Variants in HABP2 observed in about 807,000 individuals in gnomAD.
HABP2 encodes hyaluronan binding protein 2.
HABP2 carries 65 observed loss-of-function variants against 66.5 expected under a neutral mutation model. The observed-to-expected ratio is 0.98, with a 90% CI of 0.80 to 1.20. The LOEUF (loss-of-function observed/expected upper bound fraction) is 1.20, where lower values mean the gene tolerates loss of function less well. HABP2 is among the 50% of genes most tolerant of loss of function. HABP2 has a pLI of 0.00. For missense variants in HABP2, 786 were observed against 691.0 expected (o/e 1.14, Z -1.54); for synonymous variants, 263 against 253.9 (o/e 1.04, Z -0.34).
rs557301632 is a variant in HABP2, at chr10:113,589,337, C to G, written c.*968C>G. 5.3e-6 allele frequency: 3 copies of G among 566,928 alleles called. No homozygotes were observed. Among genetic ancestry groups the G allele is most frequent in the Non-Finnish European group, 9.4e-6 (3 of 320,834 alleles). The allele number at this position is 566,928 out of a possible 1,614,324, so 35.1% of individuals were successfully genotyped here. On this transcript the variant is annotated 3_prime_UTR_variant, in exon 13 of 13. Coordinates refer to ENST00000351270, the MANE Select transcript of HABP2 (RefSeq NM_004132.5). ...TCAAAATGCAGACTGTCATATCCAGCGAGTCCCTGACCCTTTCTGCGAATG... is the reference window on the plus strand; with the variant it reads ...TCAAAATGCAGACTGTCATATCCAGGGAGTCCCTGACCCTTTCTGCGAATG...
chr10:113,587,030 G>A (rs189030731), intron 12 of HABP2, among the ~76,000 whole-genome samples: 22 of 152,298 alleles, frequency 1.4e-4, no homozygotes, highest in Admixed American at 1.1e-3. Context: ...GCTCATTCAG[G>A]CTGGGCATGC....
At chr10:113,555,051 G>T (rs1844967542) in intron 1 of HABP2, among the ~76,000 whole-genome samples, 1 of 152,178 alleles carries the variant, frequency 6.6e-6, no homozygotes, top group Non-Finnish European at 1.5e-5. Context: ...CGTCATGGGG[G>T]TAAAGAAGCC....
intron 1 of HABP2, among the ~76,000 whole-genome samples, chr10:113,557,662 G>A (rs573041664): frequency 2.0e-5 from 3 of 152,336 alleles, no homozygotes; most frequent in South Asian, 4.1e-4. Flanking sequence ...TTGATGCTGA[G>A]TAAGTTCTCC....
In HABP2 at chr10:113,589,378, C is replaced by G. The variant is rs937410060; in HGVS notation, c.*1009C>G. On this transcript the variant is annotated 3_prime_UTR_variant, in exon 13 of 13. Coordinates refer to ENST00000351270, the MANE Select transcript of HABP2 (RefSeq NM_004132.5). ...TCTGCGAATGTAACGAGCAAGCAGTCAGCACAGCCTGGGCTGCCCTGGCCC... is the reference window on the plus strand; with the variant it reads ...TCTGCGAATGTAACGAGCAAGCAGTGAGCACAGCCTGGGCTGCCCTGGCCC... The G allele has an allele frequency of 5.3e-6, 3 of 570,708 alleles. No homozygotes were observed. The highest frequency in any genetic ancestry group is 5.8e-5 in the East Asian group (2 of 34,656). 35.4% of individuals were successfully genotyped at this position (570,708 alleles called of 1,614,324 possible). A position where few individuals can be genotyped will look rare whatever the true frequency, so the allele number is the denominator to read the frequency against.
chr10:113,562,738 C>T (rs1025057084), intron 1 of HABP2, among the ~76,000 whole-genome samples: 3 of 152,246 alleles, frequency 2.0e-5, no homozygotes, highest in Non-Finnish European at 1.5e-5. Flanking sequence ...AGCCACTGCG[C>T]CCGGCCCACA....
intron 10 of HABP2, among the ~76,000 whole-genome samples, chr10:113,583,585 T>C (rs1845581699): frequency 1.3e-5 from 2 of 152,192 alleles, no homozygotes; most frequent in African/African-American, 4.8e-5. Flanking sequence ...GCTAGGAACA[T>C]TGTGCTATGG....
intron 3 of HABP2, among the ~76,000 whole-genome samples, chr10:113,575,513 A>T (rs1845392254): frequency 6.6e-6 from 1 of 152,022 alleles, no homozygotes; most frequent in Non-Finnish European, 1.5e-5. Context: ...GAAGTAGGGG[A>T]GGTCTTCAGG....
At position 113,587,546 on chromosome 10, in the gene HABP2, A is replaced by G. The variant is rs563219855; in HGVS notation, c.1519-659A>G. Among the ~76,000 whole-genome samples, 5 of 152,284 alleles carry G rather than the reference A, an allele frequency of 3.3e-5. No individual in the cohort carries two copies. The East Asian group carries it at 9.6e-4, about 29-fold the overall frequency. ...AAGGTCGTGGCTAAGTTTAAAATAGAGAATTCATTTTTTAAAAACCTGTCA... is the reference window on the plus strand; with the variant it reads ...AAGGTCGTGGCTAAGTTTAAAATAGGGAATTCATTTTTTAAAAACCTGTCA... On this transcript the variant is annotated intron_variant, in intron 12 of 12. Transcript: ENST00000351270.
chr10:113,578,869 A>G (rs1007661959), intron 7 of HABP2, 71 bp downstream of exon 7: 1 of 1,023,398 alleles, frequency 9.8e-7, no homozygotes, highest in African/African-American at 1.6e-5. Context: ...GAAATTCATC[A>G]GCCTCCTTTC....
chr10:113,560,135 C>T (rs1209414092), intron 1 of HABP2, among the ~76,000 whole-genome samples: 1 of 152,234 alleles, frequency 6.6e-6, no homozygotes, highest in African/African-American at 2.4e-5. Context: ...AGCACCTTCA[C>T]CTTTGGCTTC....
chr10:113,553,845 C>T (rs947779058), intron 1 of HABP2, among the ~76,000 whole-genome samples: 6 of 152,212 alleles, frequency 3.9e-5, no homozygotes, highest in South Asian at 2.1e-4. Context: ...CAGGACCTTC[C>T]GGAGCAGATG....
rs534257675 is a variant in HABP2, at chr10:113,569,206, A to G, written c.106+1681A>G. Reference sequence around the variant, plus strand: ...AAACCTCTTATAGGGAGTGAAGAGTATTTAATTTAACCCTCAAGAAACTAC... The same window carrying G: ...AAACCTCTTATAGGGAGTGAAGAGTGTTTAATTTAACCCTCAAGAAACTAC... On this transcript the variant is annotated intron_variant, in intron 2 of 12. Transcript: ENST00000351270. 3.4e-4 allele frequency among the ~76,000 whole-genome samples: 52 copies of G among 152,296 alleles called. 1 individual carries two copies. Among genetic ancestry groups the G allele is most frequent in the African/African-American group, 1.2e-3 (51 of 41,562 alleles).
chr10:113,582,092 T>C lies in HABP2; in HGVS notation c.1055T>C (p.Ile352Thr). ...PQGHFCGGAL[I>T]HPCWVLTAAH... The stretch of plus-strand genomic sequence containing the variant: ...GGCCACTTCTGTGGTGGGGCGCTGA[T>C]CCACCCCTGCTGGGTGCTCACTGCT... Residue 352 changes from isoleucine to threonine, a missense_variant, in exon 9 of 13, where the codon ATC becomes ACC. By Grantham distance (89) the Ile-to-Thr change is moderately conservative. Coordinates refer to ENST00000351270, the MANE Select transcript of HABP2 (RefSeq NM_004132.5). 5 of 1,610,730 alleles carry C rather than the reference T, an allele frequency of 3.1e-6. No individual in the cohort carries two copies. The highest frequency in any genetic ancestry group is 4.2e-6 in the Non-Finnish European group (5 of 1,179,764).
chr10:113,586,487 G>T lies in HABP2; in HGVS notation c.1518+549G>T, dbSNP rs868141818. ...GTGTGTGTGTGTGTGGGGGGGGGGG[G>T]GGTGTTTTAGCCCTAGAAAACTAAG... On this transcript the variant is annotated intron_variant, in intron 12 of 12. Coordinates refer to ENST00000351270, the MANE Select transcript of HABP2 (RefSeq NM_004132.5). Among the ~76,000 whole-genome samples, 189 of 142,720 alleles carry T rather than the reference G, an allele frequency of 1.3e-3. 2 individuals carry two copies. Among genetic ancestry groups the T allele is most frequent in the Middle Eastern group, 3.6e-3 (1 of 276 alleles). 93.6% of individuals were successfully genotyped at this position (142,720 alleles called of 152,430 possible). A position where few individuals can be genotyped will look rare whatever the true frequency, so the allele number is the denominator to read the frequency against.
rs781087553 is a variant in HABP2 at position 113,575,967 on chromosome 10, CT to C, written c.295del (p.Cys99AlafsTer91). ...TCCATGGGAGCACCTTCACATGCAG[CT>C]GCCTGGCTCCTTTCTCTGGGAATAA... ...LVHGSTFTCS[C>X]LAPFSGNKCQ... On this transcript the variant is annotated frameshift_variant, in exon 4 of 13. Transcript: ENST00000351270. LOFTEE classifies it high-confidence loss of function. 4 of 1,609,228 alleles carry C rather than the reference CT, an allele frequency of 2.5e-6. No individual in the cohort carries two copies. Among genetic ancestry groups the C allele is most frequent in the Non-Finnish European group, 3.4e-6 (4 of 1,175,458 alleles).
Position 113,584,138 on chromosome 10 carries a change from C to A in HABP2, c.1238-10C>A. 6.2e-7 allele frequency: 1 copy of A among 1,612,630 alleles called. No homozygotes were observed. The highest frequency in any genetic ancestry group is 1.1e-5 in the South Asian group (1 of 90,860). On this transcript the variant is annotated splice_polypyrimidine_tract_variant and intron_variant, in intron 10 of 12. Transcript: ENST00000351270. Reference sequence around the variant, plus strand: ...CATCGCATCCATTTTCTACCTCTCTCTCCACCTAGCATTGCTCAAGTTAAA... The same window carrying A: ...CATCGCATCCATTTTCTACCTCTCTATCCACCTAGCATTGCTCAAGTTAAA...
At position 113,582,195 on chromosome 10, in the gene HABP2, C is replaced by T. The variant is rs1845552002; in HGVS notation, c.1094+64C>T. 2.0e-6 allele frequency: 3 copies of T among 1,477,034 alleles called. No individual in the cohort carries two copies. In the South Asian group the frequency reaches 3.7e-5, roughly 18 times the overall value. The allele number at this position is 1,477,034 out of a possible 1,614,324, so 91.5% of individuals were successfully genotyped here. On this transcript the variant is annotated intron_variant, in intron 9 of 12. Coordinates refer to ENST00000351270, the MANE Select transcript of HABP2 (RefSeq NM_004132.5). ...TGGCTGGGGGTGCTCTCCCCTTCCCCTCTGAGCAGCATCTTTGTAGCTCTG... is the reference window on the plus strand; with the variant it reads ...TGGCTGGGGGTGCTCTCCCCTTCCCTTCTGAGCAGCATCTTTGTAGCTCTG...
chr10:113,576,107 T>C (rs962495930), intron 4 of HABP2, 103 bp downstream of exon 4: 13 of 727,250 alleles, frequency 1.8e-5, no homozygotes, highest in Non-Finnish European at 2.7e-5. Flanking sequence ...GGATTATAAC[T>C]GCAATACTGT....
chr10:113,577,893 T>G, intron 5 of HABP2, 133 bp from the exon 6 acceptor site: 1 of 985,692 alleles, frequency 1.0e-6, no homozygotes, highest in Non-Finnish European at 1.5e-6. Flanking sequence ...TGGATCTGTC[T>G]TTCCCATCTG....
Sources: gnomAD v4.1 joint callset for allele counts (sites outside exome capture counted in the v4.1 genomes callset) on GRCh38, gnomAD v4.1.1 for gene constraint, MANE v1.5 for transcripts, NCBI Gene and HGNC (gene_info 2026-07-23, HGNC 2026-07-21) for gene names.